PI4KA: variants seen among roughly 807,000 people sequenced by gnomAD.
The protein encoded by PI4KA is phosphatidylinositol 4-kinase alpha.
In PI4KA, 122 loss-of-function variants were observed where a neutral mutation model predicts 271.4. The ratio of observed to expected loss-of-function variants is 0.45; its 90% CI spans 0.39 to 0.52. PI4KA has a LOEUF of 0.52. Ranked by LOEUF, PI4KA falls within the 20% of genes least tolerant of loss-of-function variation. The pLI, the probability that PI4KA is intolerant of heterozygous loss-of-function variation, is 0.00. For synonymous variants in PI4KA, 1,041 were observed against 1,078.8 expected (o/e 0.96, Z 0.69); for missense variants, 1,969 against 2,769.1 (o/e 0.71, Z 6.48).
At chr22:20,786,883 C>T (rs774578733) in intron 19 of PI4KA, 12 of 1,614,186 alleles carry the variant, frequency 7.4e-6, no homozygotes, top group East Asian at 4.5e-5. Context: ...AGTTCAAGCA[C>T]CAAGGCACGA....
Position 20,765,134 on chromosome 22 carries a change from T to C in PI4KA, c.2540A>G (p.Tyr847Cys). The change falls in exon 21 of 55, where the codon TAT (tyrosine) becomes TGT (cysteine). Residue 847 changes from tyrosine (Y) to cysteine (C), a missense_variant. This residue lies in a region of PI4KA where 368 missense variants were observed against 544.3 expected (regional missense o/e 0.68). Transcript: ENST00000255882. ...SKEPLRSVLQ[Y>C]NSAMKNDTVT... is the part of the protein sequence containing the mutation. ...CGTGTCATTCTTCATGGCTGAGTTATACTGGAGGACGGACCGCAGTGGCTC... is the reference window on the plus strand; with the variant it reads ...CGTGTCATTCTTCATGGCTGAGTTACACTGGAGGACGGACCGCAGTGGCTC... 1 of 1,613,870 alleles carries C rather than the reference T, an allele frequency of 6.2e-7. No individual in the cohort carries two copies. The highest frequency in any genetic ancestry group is 8.5e-7 in the Non-Finnish European group (1 of 1,179,858).
At chr22:20,749,302 T>A (rs1374288880) in intron 28 of PI4KA, among the ~76,000 whole-genome samples, 6 of 152,234 alleles carry the variant, frequency 3.9e-5, no homozygotes, top group African/African-American at 1.4e-4. Flanking sequence ...ACACCCACTC[T>A]CTGCTAACAC....
chr22:20,709,590 G>A (rs1417497021), intron 53 of PI4KA: 6 of 598,366 alleles, frequency 1.0e-5, no homozygotes, highest in African/African-American at 9.7e-5. Context: ...TCACCTGAGT[G>A]GCCCCATGGC....
Position 20,765,088 on chromosome 22 carries a change from G to A in PI4KA, c.2574+12C>T, listed in dbSNP as rs563192728. The A allele has an allele frequency of 1.0e-5, 16 of 1,607,930 alleles. No individual in the cohort carries two copies. Among genetic ancestry groups the A allele is most frequent in the South Asian group, 6.6e-5 (6 of 90,350 alleles). ...ACAGAGAGCATGGTAAAAATGAGAT[G>A]TGAATCCTTACGGGGGTGACCGTGT... On this transcript the variant is annotated intron_variant, in intron 21 of 54. Coordinates refer to ENST00000255882, the MANE Select transcript of PI4KA (RefSeq NM_058004.4).
In PI4KA at chr22:20,786,070, G is replaced by A. The variant is rs140899060; in HGVS notation, c.2328+7123C>T. On this transcript the variant is annotated intron_variant, in intron 19 of 54. Coordinates refer to ENST00000255882, the MANE Select transcript of PI4KA (RefSeq NM_058004.4). Reference sequence around the variant, plus strand: ...ACTACAATCTAGTGGAGTCCCTGAAGTTGATGGGGATCAGGATGCTGTTTG... The same window carrying A: ...ACTACAATCTAGTGGAGTCCCTGAAATTGATGGGGATCAGGATGCTGTTTG... 3.9e-5 allele frequency: 63 copies of A among 1,614,022 alleles called. No individual in the cohort carries two copies. The African/African-American group carries it at 7.5e-4, about 19-fold the overall frequency.
In PI4KA at chr22:20,765,599, G is replaced by A; in HGVS notation, c.2423C>T (p.Ala808Val). The A allele has an allele frequency of 6.2e-7, 1 of 1,602,420 alleles. No individual in the cohort carries two copies. Among genetic ancestry groups the A allele is most frequent in the Non-Finnish European group, 8.5e-7 (1 of 1,169,870 alleles). Reference protein sequence around the residue: ...FWLYSVLMGFAVEGSGLWPEE... With the variant: ...FWLYSVLMGFVVEGSGLWPEE... The stretch of plus-strand genomic sequence containing the variant: ...GATCCCCCTACCTGAGCCCTCCACA[G>A]CGAATCCCATCAGAACGGAATACAG... Residue 808 changes from alanine to valine, a missense_variant, in exon 20 of 55, where the codon GCT becomes GTT. Ala to Val is a moderately conservative substitution (Grantham distance 64). Transcript: ENST00000255882.
intron 30 of PI4KA, chr22:20,743,038 G>A (rs910092799): frequency 4.6e-5 from 22 of 473,708 alleles, no homozygotes; most frequent in Non-Finnish European, 7.6e-5. Context: ...CCTCATCATT[G>A]TACCCAGCAG....
chr22:20,751,938 G>A (rs1437254017), intron 25 of PI4KA, among the ~76,000 whole-genome samples, 183 bp from the exon 26 acceptor site: 1 of 152,160 alleles, frequency 6.6e-6, no homozygotes, highest in Non-Finnish European at 1.5e-5. Flanking sequence ...GGTGAGCAAC[G>A]CCTGGTCAGA....
chr22:20,749,803 C>G (rs960648808), intron 28 of PI4KA, 102 bp downstream of exon 28: 2 of 724,284 alleles, frequency 2.8e-6, no homozygotes, highest in Non-Finnish European at 5.1e-6. Context: ...AGTCTCCATT[C>G]ACACTAGTGC....
intron 32 of PI4KA, among the ~76,000 whole-genome samples, chr22:20,739,225 A>G (rs1259334642): frequency 1.3e-5 from 2 of 151,754 alleles, no homozygotes; most frequent in African/African-American, 2.4e-5. Flanking sequence ...AGGCGCCTGT[A>G]GTCTCAGCTA....
chr22:20,848,341 G>A (rs149873352), intron 1 of PI4KA, among the ~76,000 whole-genome samples: 105 of 151,214 alleles, frequency 6.9e-4, no homozygotes, highest in African/African-American at 2.5e-3. Flanking sequence ...GTTCTTTGCA[G>A]AAACTAACAT....
chr22:20,718,709 C>T lies in PI4KA; in HGVS notation c.5230G>A (p.Val1744Met), dbSNP rs757624678. The change falls in exon 44 of 55, where the codon GTG becomes ATG. Residue 1744 changes from valine to methionine, a missense_variant. Physicochemically the swap from Val to Met is conservative, Grantham distance 21 (BLOSUM62 1). Transcript: ENST00000255882. ...TGCACTTACTTGATGATAGCCGACA[C>T]GTTGGTGATCTTGTTAAAGAAATCA... ...EFDFFNKITN[V>M]SAIIKPYPKG... 1.9e-6 allele frequency: 3 copies of T among 1,613,602 alleles called. No homozygotes were observed. Among genetic ancestry groups the T allele is most frequent in the South Asian group, 1.1e-5 (1 of 91,052 alleles).
At chr22:20,857,920 A>G (rs178068) in intron 1 of PI4KA, among the ~76,000 whole-genome samples, 83,346 of 152,040 alleles carry the variant, frequency 0.55, 24,631 homozygotes, top group African/African-American at 0.78. Flanking sequence ...AAGCAATTCC[A>G]AGTTCACTTC....
At chr22:20,787,504 A>G in intron 19 of PI4KA, 1 of 268,048 alleles carries the variant, frequency 3.7e-6, no homozygotes, top group Non-Finnish European at 7.3e-6. Context: ...AGGGTACACA[A>G]CTAGCACCAT....
chr22:20,715,329 C>T (rs535611860), intron 45 of PI4KA, among the ~76,000 whole-genome samples: 99 of 152,060 alleles, frequency 6.5e-4, no homozygotes, highest in Non-Finnish European at 8.7e-4. Context: ...TCTTGGCCTC[C>T]CAAGTGCTGG....
At chr22:20,735,564 C>T (rs1269253962) in intron 32 of PI4KA, among the ~76,000 whole-genome samples, 1 of 151,366 alleles carries the variant, frequency 6.6e-6, no homozygotes, top group Non-Finnish European at 1.5e-5. Flanking sequence ...GGGCAAGGCC[C>T]TGGGAACACA....
At position 20,708,431 on chromosome 22, in the gene PI4KA, C is replaced by T. The variant is rs367769699; in HGVS notation, c.6258-333G>A. ...CTCGCACCTCTGGAGAGCCCCTTCT[C>T]GCCCTGCCCCAGCCCCTCTTGAGGT... On this transcript the variant is annotated intron_variant, in intron 54 of 54. Transcript: ENST00000255882. 5.7e-3 allele frequency among the ~76,000 whole-genome samples: 855 copies of T among 150,684 alleles called. 7 individuals carry two copies. The highest frequency in any genetic ancestry group is 0.053 in the East Asian group (262 of 4,980).
intron 6 of PI4KA, among the ~76,000 whole-genome samples, chr22:20,819,190 G>C (rs558161810): frequency 1.3e-5 from 2 of 152,090 alleles, no homozygotes; most frequent in Non-Finnish European, 2.9e-5. Context: ...CAGTTTAAAT[G>C]AATTTTTTTT....
At chr22:20,796,972 C>T (rs371381854) in intron 17 of PI4KA, among the ~76,000 whole-genome samples, 2 of 152,114 alleles carry the variant, frequency 1.3e-5, no homozygotes, top group African/African-American at 2.4e-5. Context: ...CATGTCCAAG[C>T]GGCACGACCC....
Sources: gnomAD v4.1 joint callset for allele counts (sites outside exome capture counted in the v4.1 genomes callset) on GRCh38, gnomAD v4.1.1 for gene constraint, gnomAD v4.1.1 regional missense constraint, MANE v1.5 for transcripts, NCBI Gene and HGNC (gene_info 2026-07-23, HGNC 2026-07-21) for gene names.